CNTNAP2: variants seen among roughly 807,000 people sequenced by gnomAD.
The protein encoded by CNTNAP2 is contactin-associated protein-like 2.
A neutral mutation model predicts 155.2 loss-of-function variants in CNTNAP2; 98 were observed. The observed-to-expected ratio is 0.63, with a 90% confidence interval of 0.54 to 0.75. The LOEUF (loss-of-function observed/expected upper bound fraction) is 0.75. Among genes scored for constraint, CNTNAP2 ranks in the 30% least tolerant of loss-of-function variants. CNTNAP2 has a pLI of 0.00. For missense variants in CNTNAP2, 1,727 were observed against 1,688.1 expected (o/e 1.02, Z -0.40); for synonymous variants, 651 against 631.2 (o/e 1.03, Z -0.47).
intron 6 of CNTNAP2, chr7:147,122,871 T>A (rs920626644): frequency 6.6e-6 from 1 of 152,202 alleles, no homozygotes; most frequent in Admixed American, 6.5e-5. Context: ...GTGTGTGTTA[T>A]GTATATTTAT....
chr7:146,840,584 CAGA>C lies in CNTNAP2; in HGVS notation c.402+694_402+696del, dbSNP rs950008209. Among the ~76,000 whole-genome samples, 11 of 150,256 alleles carry C rather than the reference CAGA, an allele frequency of 7.3e-5. No individual in the cohort carries two copies. In the South Asian group the frequency reaches 1.7e-3, roughly 23 times the overall value. On this transcript the variant is annotated intron_variant, in intron 3 of 23. Coordinates refer to ENST00000361727, the MANE Select transcript of CNTNAP2 (RefSeq NM_014141.6). ...TCAAGTGCTGTCATCAATATTAAAC[CAGA>C]AGAAGAAGAAGAAAAAGAAGATGAG...
intron 21 of CNTNAP2, among the ~76,000 whole-genome samples, chr7:148,287,754 T>C (rs771693274): frequency 1.2e-4 from 18 of 151,758 alleles, no homozygotes; most frequent in Non-Finnish European, 2.1e-4. Flanking sequence ...CAAGACCAGG[T>C]CAACTCAGGT....
intron 1 of CNTNAP2, among the ~76,000 whole-genome samples, chr7:146,627,584 C>T (rs571553123): frequency 2.0e-5 from 3 of 152,098 alleles, no homozygotes; most frequent in Non-Finnish European, 2.9e-5. Context: ...AGGAAATGGA[C>T]GTAGGTACTA....
intron 2 of CNTNAP2, among the ~76,000 whole-genome samples, chr7:146,780,223 T>C: frequency 6.6e-6 from 1 of 152,056 alleles, no homozygotes; most frequent in South Asian, 2.1e-4. Context: ...TCTCTCTCTG[T>C]TGCCCAGGCT....
chr7:146,756,988 G>A (rs1802005809), intron 1 of CNTNAP2, among the ~76,000 whole-genome samples: 2 of 152,118 alleles, frequency 1.3e-5, no homozygotes, highest in South Asian at 4.1e-4. Context: ...ATTGTAAAAT[G>A]TGATCAAATA....
In CNTNAP2 at chr7:148,178,654, G is replaced by A. The variant is rs73744769; in HGVS notation, c.3010+6176G>A. Among the ~76,000 whole-genome samples the A allele has an allele frequency of 4.2e-3, 633 of 152,272 alleles. 3 individuals are homozygous for A. Among genetic ancestry groups the A allele is most frequent in the African/African-American group, 0.014 (565 of 41,544 alleles). The stretch of plus-strand genomic sequence containing the variant: ...TCCATCTTTCTCACATACCTGTTAC[G>A]TAACCTTAGGAAAATTGTTTGTCAC... On this transcript the variant is annotated intron_variant, in intron 18 of 23. Coordinates refer to ENST00000361727, the MANE Select transcript of CNTNAP2 (RefSeq NM_014141.6).
intron 13 of CNTNAP2, among the ~76,000 whole-genome samples, chr7:147,837,554 AG>A (rs1798653605): frequency 6.6e-6 from 1 of 152,142 alleles, no homozygotes; most frequent in Non-Finnish European, 1.5e-5. Flanking sequence ...AACTCATTTC[AG>A]CATTAACTCA....
At chr7:146,502,446 T>TCCA (rs1797319530) in intron 1 of CNTNAP2, among the ~76,000 whole-genome samples, 1 of 151,862 alleles carries the variant, frequency 6.6e-6, no homozygotes, top group Non-Finnish European at 1.5e-5. Context: ...CATTATTAGT[T>TCCA]TTTTGAGAAA....
intron 1 of CNTNAP2, among the ~76,000 whole-genome samples, chr7:146,700,094 A>C (rs1800849888): frequency 6.6e-6 from 1 of 152,190 alleles, no homozygotes; most frequent in Non-Finnish European, 1.5e-5. Flanking sequence ...GACCTCTTGG[A>C]TGTAAAATGA....
intron 10 of CNTNAP2, among the ~76,000 whole-genome samples, chr7:147,406,660 G>T (rs1221160267): frequency 1.3e-5 from 2 of 152,104 alleles, no homozygotes; most frequent in African/African-American, 4.8e-5. Flanking sequence ...ATTAGAGTCT[G>T]AATCTTGTTT....
rs113634507 is a variant in CNTNAP2 at position 147,241,652 on chromosome 7, A to G, written c.1349-58489A>G. Among the ~76,000 whole-genome samples, 152 of 152,020 alleles carry G rather than the reference A, an allele frequency of 1.0e-3. 1 individual carries two copies. The highest frequency in any genetic ancestry group is 3.4e-3 in the African/African-American group (141 of 41,496). On this transcript the variant is annotated intron_variant, in intron 8 of 23. Transcript: ENST00000361727. ...CAAAAAAAGGAAAAAAAAAAAAAAAAAAAAGAAATTGTTTTGCTCTTTTCT... is the reference window on the plus strand; with the variant it reads ...CAAAAAAAGGAAAAAAAAAAAAAAAGAAAAGAAATTGTTTTGCTCTTTTCT...
chr7:147,599,400 T>C (rs571472526), intron 12 of CNTNAP2, among the ~76,000 whole-genome samples: 1 of 149,994 alleles, frequency 6.7e-6, no homozygotes, highest in Non-Finnish European at 1.5e-5. Context: ...GGAGAATCAC[T>C]TTAACCCAGG....
At chr7:147,172,123 G>T (rs150314721) in intron 8 of CNTNAP2, among the ~76,000 whole-genome samples, 1 of 151,874 alleles carries the variant, frequency 6.6e-6, no homozygotes, top group South Asian at 2.1e-4. Flanking sequence ...ATTCTCAGTC[G>T]GTGATTTTGA....
At chr7:147,508,349 A>G (rs1798952532) in intron 11 of CNTNAP2, among the ~76,000 whole-genome samples, 2 of 152,060 alleles carry the variant, frequency 1.3e-5, no homozygotes, top group Admixed American at 1.3e-4. Flanking sequence ...CAGCCACTGA[A>G]GCCAGTAATC....
intron 10 of CNTNAP2, among the ~76,000 whole-genome samples, chr7:147,468,635 T>C (rs1798160122): frequency 6.6e-6 from 1 of 152,170 alleles, no homozygotes; most frequent in Non-Finnish European, 1.5e-5. Context: ...AGCCTCAAAT[T>C]GTATGACAGA....
At chr7:148,404,097 A>T (rs1440726514) in intron 22 of CNTNAP2, among the ~76,000 whole-genome samples, 1 of 152,242 alleles carries the variant, frequency 6.6e-6, no homozygotes, top group African/African-American at 2.4e-5. Flanking sequence ...TTCTACCTGC[A>T]TAGAAGGTTT....
At chr7:148,168,388 AATG>A (rs1476938223) in intron 17 of CNTNAP2, among the ~76,000 whole-genome samples, 2 of 152,184 alleles carry the variant, frequency 1.3e-5, no homozygotes, top group Non-Finnish European at 2.9e-5. Flanking sequence ...AGCCATAAAA[AATG>A]ATGATTTCCT....
At chr7:147,361,899 G>A (rs826824) in intron 9 of CNTNAP2, among the ~76,000 whole-genome samples, 95,601 of 151,970 alleles carry the variant, frequency 0.63, 30,799 homozygotes, top group African/African-American at 0.76. Context: ...CATGATATCA[G>A]ATGGCTAAGG....
At chr7:147,425,866 A>G (rs1797370108) in intron 10 of CNTNAP2, among the ~76,000 whole-genome samples, 1 of 152,162 alleles carries the variant, frequency 6.6e-6, no homozygotes, top group Non-Finnish European at 1.5e-5. Context: ...GAAGCTTCTG[A>G]TGCATACTTC....
Sources: allele counts gnomAD v4.1 joint callset (sites outside exome capture counted in the v4.1 genomes callset), GRCh38; gene constraint gnomAD v4.1.1; transcripts MANE v1.5; gene names NCBI Gene and HGNC (gene_info 2026-07-23, HGNC 2026-07-21).